The following WWTR1 variants were observed in gnomAD, a reference collection of about 807,000 sequenced individuals.
The protein encoded by WWTR1 is WW domain containing transcription regulator 1.
A neutral mutation model predicts 40.1 loss-of-function variants in WWTR1; 13 were observed. The observed-to-expected ratio is 0.32, with a 90% CI of 0.21 to 0.52. The LOEUF (loss-of-function observed/expected upper bound fraction) is 0.52. Among genes scored for constraint, WWTR1 ranks in the 20% least tolerant of loss-of-function variants. The probability of loss-of-function intolerance (pLI) is 0.97; values close to 1 mark genes in which losing one functional copy is unlikely to be tolerated. For synonymous variants in WWTR1, 230 were observed against 210.1 expected (o/e 1.09, Z -0.82); for missense variants, 436 against 523.1 (o/e 0.83, Z 1.63).
At chr3:149,688,327 GAC>G (rs1714717271) in intron 1 of WWTR1, among the ~76,000 whole-genome samples, 3 of 152,112 alleles carry the variant, frequency 2.0e-5, no homozygotes, top group Admixed American at 2.0e-4. Context: ...CCTTGGGCGA[GAC>G]CCAGTACTTT....
intron 5 of WWTR1, among the ~76,000 whole-genome samples, chr3:149,713,581 A>G (rs1235325720): frequency 6.6e-6 from 1 of 152,102 alleles, no homozygotes; most frequent in East Asian, 1.9e-4. Context: ...GAGTTTCGCC[A>G]TGTTGGCCAG....
chr3:149,549,860 C>A (rs569473298), intron 3 of WWTR1, among the ~76,000 whole-genome samples: 1 of 151,598 alleles, frequency 6.6e-6, no homozygotes, highest in Non-Finnish European at 1.5e-5. Context: ...AAACAAAAAA[C>A]AAAACAAAAC....
Position 149,550,332 on chromosome 3 carries a change from T to G in WWTR1, c.569-7795A>C, listed in dbSNP as rs60955798. Among the ~76,000 whole-genome samples the G allele has an allele frequency of 8.3e-3, 1,262 of 152,306 alleles. 17 individuals are homozygous for G. Among genetic ancestry groups the G allele is most frequent in the African/African-American group, 0.029 (1,219 of 41,552 alleles). ...CTAATAAGACTGGGAAATGTTGGGC[T>G]AAAGAAAGTTAAAATAATTTATTTT... is the stretch of plus-strand genomic sequence containing the variant. On this transcript the variant is annotated intron_variant, in intron 3 of 6. Transcript: ENST00000360632.
At chr3:149,526,548 A>G (rs935886361) in intron 5 of WWTR1, among the ~76,000 whole-genome samples, 5 of 152,226 alleles carry the variant, frequency 3.3e-5, no homozygotes, top group Non-Finnish European at 5.9e-5. Context: ...AGAAGGGAAA[A>G]GAAACGAGAT....
At position 149,672,154 on chromosome 3, in the gene WWTR1, C is replaced by CA. The variant is rs61024456; in HGVS notation, c.-107-2264dup. Among the ~76,000 whole-genome samples, 937 of 152,092 alleles carry CA rather than the reference C, an allele frequency of 6.2e-3. 3 individuals are homozygous for CA. Among genetic ancestry groups the CA allele is most frequent in the African/African-American group, 0.022 (903 of 41,472 alleles). On this transcript the variant is annotated intron_variant, in intron 1 of 7. Transcript: ENST00000465804. ...AACAAAAAACAAACAAACAAACAAACAAAAAAACAACCAGTAGAATGTGCA... is the reference window on the plus strand; with the variant it reads ...AACAAAAAACAAACAAACAAACAAACAAAAAAAACAACCAGTAGAATGTGCA...
upstream of WWTR1, among the ~76,000 whole-genome samples, chr3:149,706,058 G>T (rs1426843946): frequency 2.6e-5 from 4 of 152,074 alleles, no homozygotes; most frequent in African/African-American, 9.7e-5. Context: ...AGGTGTGGTG[G>T]CATGTGCCTG....
chr3:149,667,849 G>T (rs551961867), intron 2 of WWTR1, among the ~76,000 whole-genome samples: 3 of 152,144 alleles, frequency 2.0e-5, no homozygotes, highest in African/African-American at 7.2e-5. Flanking sequence ...CCTCCTACCT[G>T]CCATCTGTTT....
At chr3:149,678,982 A>T (rs1285986124) in intron 1 of WWTR1, among the ~76,000 whole-genome samples, 1 of 151,968 alleles carries the variant, frequency 6.6e-6, no homozygotes, top group African/African-American at 2.4e-5. Context: ...GGCATGCATC[A>T]CCATGCCCGG....
At chr3:149,609,562 C>T (rs1739639589) in intron 2 of WWTR1, among the ~76,000 whole-genome samples, 2 of 152,190 alleles carry the variant, frequency 1.3e-5, no homozygotes, top group Non-Finnish European at 2.9e-5. Context: ...CACAGCTACT[C>T]TCATTTGTTT....
chr3:149,642,045 G>A (rs1302563246), intron 2 of WWTR1, among the ~76,000 whole-genome samples: 1 of 152,212 alleles, frequency 6.6e-6, no homozygotes, highest in Non-Finnish European at 1.5e-5. Flanking sequence ...CAACTTTTAG[G>A]TAGCTGATCC....
chr3:149,524,751 C>G (rs16861936), intron 6 of WWTR1, among the ~76,000 whole-genome samples: 9,314 of 152,204 alleles, frequency 0.061, 323 homozygotes, highest in Non-Finnish European at 0.084. Context: ...ATCTTTCCAA[C>G]AATTTAGACT....
At chr3:149,553,206 G>A (rs981140870) in intron 3 of WWTR1, among the ~76,000 whole-genome samples, 1 of 152,154 alleles carries the variant, frequency 6.6e-6, no homozygotes, top group African/African-American at 2.4e-5. Flanking sequence ...AACCCGGAAC[G>A]CCTGCTAGAA....
intron 3 of WWTR1, among the ~76,000 whole-genome samples, chr3:149,549,999 G>A (rs1736543372): frequency 6.6e-6 from 1 of 152,180 alleles, no homozygotes; most frequent in African/African-American, 2.4e-5. Flanking sequence ...AACAAATGTA[G>A]CATATTAATG....
Position 149,520,891 on chromosome 3 carries a change from T to A in WWTR1, c.1117A>T (p.Thr373Ser). ...CLPGTNVDLGTLESEDLIPLF... is the reference protein window; with the variant it reads ...CLPGTNVDLGSLESEDLIPLF... ...GGGATCAGGTCTTCAGATTCCAAAGTTCCTAAGTCAACGTTTGTTCCTGGA... is the reference window on the plus strand; with the variant it reads ...GGGATCAGGTCTTCAGATTCCAAAGATCCTAAGTCAACGTTTGTTCCTGGA... The change falls in exon 7 of 7, where the codon ACT (threonine) becomes TCT (serine). Residue 373 changes from threonine (T) to serine (S), a missense_variant. Thr to Ser is a moderately conservative substitution (Grantham distance 58). Transcript: ENST00000360632. The A allele has an allele frequency of 6.2e-7, 1 of 1,613,634 alleles. No homozygotes were observed. Among genetic ancestry groups the A allele is most frequent in the East Asian group, 2.2e-5 (1 of 44,852 alleles).
At position 149,596,951 on chromosome 3, in the gene WWTR1, C is replaced by A. The variant is rs148203879; in HGVS notation, c.432-23951G>T. ...TACCAATATCTATGACACACAAAGA[C>A]CTTAGAACAAAACCTGGCAGATAGA... is the stretch of plus-strand genomic sequence containing the variant. On this transcript the variant is annotated intron_variant, in intron 2 of 6. Transcript: ENST00000360632. Among the ~76,000 whole-genome samples the A allele has an allele frequency of 2.1e-3, 313 of 152,214 alleles. 2 individuals carry two copies. Among genetic ancestry groups the A allele is most frequent in the African/African-American group, 7.1e-3 (296 of 41,540 alleles).
intron 2 of WWTR1, among the ~76,000 whole-genome samples, chr3:149,630,447 T>A (rs1711515401): frequency 6.6e-6 from 1 of 152,130 alleles, no homozygotes; most frequent in Non-Finnish European, 1.5e-5. Flanking sequence ...CTGTTTCCAC[T>A]CTCCTAGCTG....
At chr3:149,665,232 T>TC (rs1229106458) in intron 2 of WWTR1, among the ~76,000 whole-genome samples, 2 of 148,202 alleles carry the variant, frequency 1.3e-5, no homozygotes, top group Non-Finnish European at 3.0e-5. Context: ...TCTTTCTTTT[T>TC]TTTTTTTTTT....
intron 2 of WWTR1, among the ~76,000 whole-genome samples, chr3:149,622,912 C>T (rs1036420922): frequency 1.3e-5 from 2 of 148,470 alleles, no homozygotes; most frequent in Admixed American, 6.8e-5. Flanking sequence ...ATAATGTGCT[C>T]GATTCAGTAA....
At chr3:149,565,732 A>C (rs1737288331) in intron 3 of WWTR1, among the ~76,000 whole-genome samples, 1 of 151,012 alleles carries the variant, frequency 6.6e-6, no homozygotes, top group South Asian at 2.1e-4. Flanking sequence ...ACCAACACAG[A>C]GAAACCCCGT....
Sources: allele counts gnomAD v4.1 joint callset (sites outside exome capture counted in the v4.1 genomes callset), GRCh38; gene constraint gnomAD v4.1.1; transcripts MANE v1.5; gene names NCBI Gene and HGNC (gene_info 2026-07-23, HGNC 2026-07-21).